The following NELL1 variants were observed in gnomAD, a reference collection of about 807,000 sequenced individuals.
NELL1 encodes the protein protein kinase C-binding protein NELL1.
A neutral mutation model predicts 107.4 loss-of-function variants in NELL1; 76 were observed. That is an observed-to-expected ratio of 0.71 (90% CI 0.59 to 0.86). The LOEUF is 0.86. Among genes scored for constraint, NELL1 ranks in the 40% least tolerant of loss-of-function variants. The pLI is 0.00. For synonymous variants in NELL1, 353 were observed against 341.2 expected (o/e 1.03, Z -0.38); for missense variants, 1,024 against 1,005.5 (o/e 1.02, Z -0.25).
At chr11:21,555,651 A>T (rs1466758743) in intron 16 of NELL1, among the ~76,000 whole-genome samples, 2 of 151,940 alleles carry the variant, frequency 1.3e-5, no homozygotes, top group Non-Finnish European at 2.9e-5. Context: ...GGGCTGGAAC[A>T]GTGAGTGAAG....
At chr11:20,777,784 C>A (rs2032248375) in intron 2 of NELL1, among the ~76,000 whole-genome samples, 2 of 151,860 alleles carry the variant, frequency 1.3e-5, no homozygotes, top group South Asian at 4.2e-4. Context: ...TGCCTGCATT[C>A]TCTACCAGTC....
chr11:21,221,323 G>A (rs933280324), intron 13 of NELL1, among the ~76,000 whole-genome samples: 1 of 152,152 alleles, frequency 6.6e-6, no homozygotes, highest in Non-Finnish European at 1.5e-5. Flanking sequence ...ATTAATCAGG[G>A]ATATTGGCCT....
At chr11:20,778,007 G>A (rs1187655068) in intron 2 of NELL1, among the ~76,000 whole-genome samples, 1 of 152,220 alleles carries the variant, frequency 6.6e-6, no homozygotes, top group Non-Finnish European at 1.5e-5. Context: ...TGCTGAACTT[G>A]TAGTAAGAGA....
At chr11:20,747,934 AG>A (rs1856040341) in intron 2 of NELL1, among the ~76,000 whole-genome samples, 1 of 152,178 alleles carries the variant, frequency 6.6e-6, no homozygotes. Flanking sequence ...ATGAAGGAAA[AG>A]CTGGCTGGGG....
Position 21,190,894 on chromosome 11 carries a change from A to G in NELL1, c.1427-38438A>G, listed in dbSNP as rs754122987. Among the ~76,000 whole-genome samples the G allele has an allele frequency of 5.3e-5, 8 of 151,724 alleles. 1 individual carries two copies. The highest frequency in any genetic ancestry group is 8.8e-5 in the Non-Finnish European group (6 of 68,020). ...TCAGCCTTGCCAATTCAAGTAGACA[A>G]TGAGAGAGGTCATAGAGTTCTGAGA... On this transcript the variant is annotated intron_variant, in intron 13 of 19. Coordinates refer to ENST00000357134, the MANE Select transcript of NELL1 (RefSeq NM_006157.5).
chr11:21,082,625 C>G (rs1854295154), intron 12 of NELL1, among the ~76,000 whole-genome samples: 1 of 152,170 alleles, frequency 6.6e-6, no homozygotes, highest in South Asian at 2.1e-4. Context: ...CCAGATCTTG[C>G]TCTAGCATTT....
intron 12 of NELL1, among the ~76,000 whole-genome samples, chr11:21,025,198 A>G (rs917087700): frequency 6.6e-6 from 1 of 152,100 alleles, no homozygotes; most frequent in Non-Finnish European, 1.5e-5. Context: ...AGGTGCTCAA[A>G]AAGTACTTGA....
At chr11:20,864,192 A>G (rs1590360578) in intron 4 of NELL1, among the ~76,000 whole-genome samples, 1 of 152,204 alleles carries the variant, frequency 6.6e-6, no homozygotes, top group Non-Finnish European at 1.5e-5. Flanking sequence ...AATTTTTTAA[A>G]TAGAAAATTG....
At chr11:21,406,558 G>T (rs1470403599) in intron 15 of NELL1, among the ~76,000 whole-genome samples, 3 of 151,928 alleles carry the variant, frequency 2.0e-5, no homozygotes, top group African/African-American at 7.2e-5. Context: ...AAGATAAATT[G>T]AGCTTCTTGT....
At chr11:21,035,121 G>A (rs7939550) in intron 12 of NELL1, among the ~76,000 whole-genome samples, 1 of 151,968 alleles carries the variant, frequency 6.6e-6, no homozygotes, top group East Asian at 1.9e-4. Context: ...ACTGGAAAAT[G>A]TAGAAGAACT....
At chr11:20,964,816 T>C (rs1179336956) in intron 12 of NELL1, among the ~76,000 whole-genome samples, 1 of 152,118 alleles carries the variant, frequency 6.6e-6, no homozygotes, top group Non-Finnish European at 1.5e-5. Flanking sequence ...CGTTCTCTTT[T>C]CTCTCTGAAA....
At chr11:20,706,122 T>C (rs1418797176) in intron 2 of NELL1, among the ~76,000 whole-genome samples, 1 of 152,146 alleles carries the variant, frequency 6.6e-6, no homozygotes, top group Non-Finnish European at 1.5e-5. Flanking sequence ...TCCTCAAGGA[T>C]CTAGAACTAG....
intron 15 of NELL1, among the ~76,000 whole-genome samples, chr11:21,387,755 A>G (rs1851779814): frequency 6.6e-6 from 1 of 151,554 alleles, no homozygotes; most frequent in East Asian, 2.0e-4. Context: ...GTAACCCTAT[A>G]TACCATCTAC....
At chr11:21,012,435 G>T (rs1590538641) in intron 12 of NELL1, among the ~76,000 whole-genome samples, 1 of 152,060 alleles carries the variant, frequency 6.6e-6, no homozygotes, top group African/African-American at 2.4e-5. Context: ...CCCCCATCCT[G>T]CATGGGAGTG....
intron 2 of NELL1, among the ~76,000 whole-genome samples, chr11:20,697,313 G>C (rs545400738): frequency 6.6e-6 from 1 of 151,830 alleles, no homozygotes; most frequent in African/African-American, 2.4e-5. Context: ...TTAGTGTTAA[G>C]TAGTTGGGAG....
At chr11:21,158,904 T>C (rs906385126) in intron 13 of NELL1, among the ~76,000 whole-genome samples, 1 of 152,184 alleles carries the variant, frequency 6.6e-6, no homozygotes, top group African/African-American at 2.4e-5. Context: ...TCAGACATAT[T>C]GTAGGAGTAT....
chr11:20,812,459 A>C (rs1857520744), intron 3 of NELL1, among the ~76,000 whole-genome samples: 1 of 152,170 alleles, frequency 6.6e-6, no homozygotes, highest in Admixed American at 6.5e-5. Context: ...TTGTCAGTGT[A>C]ATGCTGGCCT....
chr11:20,976,952 AT>A lies in NELL1; in HGVS notation c.1300+16404del, dbSNP rs59290283. Among the ~76,000 whole-genome samples the A allele has an allele frequency of 2.0e-3, 296 of 146,872 alleles. 2 individuals carry two copies. The highest frequency in any genetic ancestry group is 4.8e-3 in the African/African-American group (195 of 40,312). ...CATAATTTACTGAACCTGTGTGCAA[AT>A]TTTTTTTTTTTGAATCATAATTAAG... On this transcript the variant is annotated intron_variant, in intron 12 of 19. Transcript: ENST00000357134.
rs1296962653 is a variant in NELL1, at chr11:21,570,765, A to G, written c.1982A>G (p.Asp661Gly). Residue 661 changes from aspartate to glycine, a missense_variant and splice_region_variant, in exon 18 of 20, where the codon GAT becomes GGT. Coordinates refer to ENST00000357134, the MANE Select transcript of NELL1 (RefSeq NM_006157.5). The part of the protein sequence containing the change: ...EDRCSVCSCK[D>G]GKIFCRRTAC... ...CTCCTTAACTTCATTTCTAAACAGG[A>G]TGGCAAGATATTCTGCCGACGGACA... 1.9e-6 allele frequency: 3 copies of G among 1,610,878 alleles called. No homozygotes were observed. The highest frequency in any genetic ancestry group is 2.5e-6 in the Non-Finnish European group (3 of 1,178,142).
Sources: gnomAD v4.1 joint callset for allele counts (sites outside exome capture counted in the v4.1 genomes callset) on GRCh38, gnomAD v4.1.1 for gene constraint, MANE v1.5 for transcripts, NCBI Gene and HGNC (gene_info 2026-07-23, HGNC 2026-07-21) for gene names.